Variants in BMPR1A observed in about 807,000 individuals in gnomAD.
BMPR1A encodes the protein bone morphogenetic protein receptor type-1A.
BMPR1A carries 7 observed loss-of-function variants against 66.0 expected under a neutral mutation model. The ratio of observed to expected loss-of-function variants is 0.11; its 90% confidence interval spans 0.06 to 0.20. The LOEUF is 0.20. Ranked by LOEUF, BMPR1A falls within the 10% of genes least tolerant of loss-of-function variation. The pLI is 1.00. For missense variants in BMPR1A, 408 were observed against 669.1 expected (o/e 0.61, Z 4.31); for synonymous variants, 200 against 229.7 (o/e 0.87, Z 1.17).
intron 2 of BMPR1A, among the ~76,000 whole-genome samples, chr10:86,867,893 G>A (rs1842805911): frequency 6.6e-6 from 1 of 152,198 alleles, no homozygotes; most frequent in South Asian, 2.1e-4. Context: ...AAGGTTTTGA[G>A]TGGGGCAGGG....
intron 1 of BMPR1A, among the ~76,000 whole-genome samples, chr10:86,831,529 A>G (rs1479306871): frequency 1.3e-5 from 2 of 152,168 alleles, no homozygotes; most frequent in Non-Finnish European, 2.9e-5. Flanking sequence ...GCCAAGGCAG[A>G]AGGATCACTT....
chr10:86,802,225 T>G (rs1433829554), intron 1 of BMPR1A, among the ~76,000 whole-genome samples: 1 of 152,124 alleles, frequency 6.6e-6, no homozygotes, highest in Non-Finnish European at 1.5e-5. Context: ...CAGATGGTGG[T>G]GAGGGACGCT....
At chr10:86,914,397 A>G (rs1415522130) in intron 8 of BMPR1A, among the ~76,000 whole-genome samples, 1 of 152,210 alleles carries the variant, frequency 6.6e-6, no homozygotes, top group Non-Finnish European at 1.5e-5. Context: ...ATGATAAATC[A>G]GGCTTTATCA....
chr10:86,794,296 C>T (rs1253829896), intron 1 of BMPR1A, among the ~76,000 whole-genome samples: 2 of 152,008 alleles, frequency 1.3e-5, no homozygotes, highest in South Asian at 2.1e-4. Context: ...TGGTCCTGGC[C>T]TGAATCTTGT....
chr10:86,864,261 G>A (rs1299460082), intron 2 of BMPR1A, among the ~76,000 whole-genome samples: 2 of 152,076 alleles, frequency 1.3e-5, no homozygotes, highest in African/African-American at 2.4e-5. Flanking sequence ...AAATGGGACC[G>A]AAGAGCTCCC....
chr10:86,814,838 C>T (rs1470475209), intron 1 of BMPR1A, among the ~76,000 whole-genome samples: 1 of 151,824 alleles, frequency 6.6e-6, no homozygotes, highest in Non-Finnish European at 1.5e-5. Flanking sequence ...TGGGCTGGAG[C>T]GCAGTGGTGC....
chr10:86,817,763 G>A (rs1054681790), intron 1 of BMPR1A, among the ~76,000 whole-genome samples: 3 of 152,096 alleles, frequency 2.0e-5, no homozygotes, highest in Non-Finnish European at 4.4e-5. Flanking sequence ...TGGCTTCACT[G>A]GTGAATTCTA....
intron 2 of BMPR1A, among the ~76,000 whole-genome samples, chr10:86,864,111 C>G (rs578098448): frequency 6.6e-6 from 1 of 152,322 alleles, no homozygotes; most frequent in South Asian, 2.1e-4. Context: ...CACTCCTTCT[C>G]ACCTTTTTAC....
chr10:86,772,303 T>C (rs1841277678), intron 1 of BMPR1A, among the ~76,000 whole-genome samples: 1 of 152,148 alleles, frequency 6.6e-6, no homozygotes, highest in Admixed American at 6.5e-5. Flanking sequence ...GCTAATGTTT[T>C]GTATTTTTAG....
At chr10:86,759,717 C>G (rs57864447) in intron 1 of BMPR1A, among the ~76,000 whole-genome samples, 1 of 152,116 alleles carries the variant, frequency 6.6e-6, no homozygotes, top group Non-Finnish European at 1.5e-5. Context: ...CCTTCTTTTT[C>G]TCTTTTTCAG....
intron 5 of BMPR1A, among the ~76,000 whole-genome samples, chr10:86,894,732 T>C (rs1020533091): frequency 6.6e-6 from 1 of 152,250 alleles, no homozygotes; most frequent in Non-Finnish European, 1.5e-5. Context: ...ATGAGATACA[T>C]GTAAATAGTT....
chr10:86,827,681 G>A (rs969618981), intron 1 of BMPR1A, among the ~76,000 whole-genome samples: 5 of 152,164 alleles, frequency 3.3e-5, no homozygotes, highest in African/African-American at 1.2e-4. Context: ...GTGAGAGGAT[G>A]GACAAGTGAG....
intron 1 of BMPR1A, among the ~76,000 whole-genome samples, chr10:86,788,472 G>T (rs1841549994): frequency 6.6e-6 from 1 of 152,230 alleles, no homozygotes; most frequent in Non-Finnish European, 1.5e-5. Context: ...ATTGGTCTTA[G>T]GGCTGGAGTG....
At position 86,792,421 on chromosome 10, in the gene BMPR1A, T is replaced by C. The variant is rs373881824; in HGVS notation, c.-268+35502T>C. On this transcript the variant is annotated intron_variant, in intron 1 of 12. Coordinates refer to ENST00000372037, the MANE Select transcript of BMPR1A (RefSeq NM_004329.3). ...ATGAATTGCATACTGCTAAAAATTA[T>C]AATGGTAATTGAATTCAAAATAATT... Among the ~76,000 whole-genome samples, 9 of 152,360 alleles carry C rather than the reference T, an allele frequency of 5.9e-5. No homozygotes were observed. The East Asian group carries it at 1.7e-3, about 29-fold the overall frequency.
chr10:86,896,359 CAT>C (rs1269681824), intron 5 of BMPR1A, among the ~76,000 whole-genome samples: 5 of 151,916 alleles, frequency 3.3e-5, no homozygotes, highest in African/African-American at 9.7e-5. Flanking sequence ...AAGATTGTAA[CAT>C]ATATATTGTT....
chr10:86,896,171 A>G (rs1843221972), intron 5 of BMPR1A, among the ~76,000 whole-genome samples: 2 of 151,854 alleles, frequency 1.3e-5, no homozygotes, highest in Admixed American at 1.3e-4. Flanking sequence ...AAAAGAAAAA[A>G]AAAAAAAAAA....
At chr10:86,781,281 A>G (rs532345193) in intron 1 of BMPR1A, among the ~76,000 whole-genome samples, 1 of 152,304 alleles carries the variant, frequency 6.6e-6, no homozygotes, top group African/African-American at 2.4e-5. Context: ...CATTTATTGA[A>G]GAGACTGTCT....
intron 3 of BMPR1A, chr10:86,889,538 C>G (rs1037377751): frequency 6.5e-6 from 1 of 154,612 alleles, no homozygotes; most frequent in Admixed American, 6.4e-5. Context: ...GTCTCTCCCC[C>G]TTTTGTACCT....
chr10:86,897,330 T>C lies in BMPR1A; in HGVS notation c.334-2464T>C, dbSNP rs1260414499. 2.6e-5 allele frequency among the ~76,000 whole-genome samples: 4 copies of C among 152,246 alleles called. No homozygotes were observed. In the South Asian group the frequency reaches 6.2e-4, roughly 24 times the overall value. Reference sequence around the variant, plus strand: ...GAGTGCAGGAAAAGGAAAGGCTGTGTCACCCAAATTCATAATCTCGACAAA... The same window carrying C: ...GAGTGCAGGAAAAGGAAAGGCTGTGCCACCCAAATTCATAATCTCGACAAA... On this transcript the variant is annotated intron_variant, in intron 5 of 12. Coordinates refer to ENST00000372037, the MANE Select transcript of BMPR1A (RefSeq NM_004329.3).
Sources: gnomAD v4.1 joint callset for allele counts (sites outside exome capture counted in the v4.1 genomes callset) on GRCh38, gnomAD v4.1.1 for gene constraint, MANE v1.5 for transcripts, NCBI Gene and HGNC (gene_info 2026-07-23, HGNC 2026-07-21) for gene names.